MNAT1: variants seen among roughly 807,000 people sequenced by gnomAD.
MNAT1 encodes the protein MNAT1 component of CDK activating kinase.
MNAT1 carries 43 observed loss-of-function variants against 42.0 expected under a neutral mutation model. The ratio of observed to expected loss-of-function variants is 1.02; its 90% confidence interval spans 0.80 to 1.32. The LOEUF is 1.32. Among genes scored for constraint, MNAT1 ranks in the 40% most tolerant of loss-of-function variants. The pLI is 0.00. For missense variants in MNAT1, 306 were observed against 350.4 expected (o/e 0.87, Z 1.01); for synonymous variants, 118 against 120.0 (o/e 0.98, Z 0.11).
At chr14:60,913,058 C>T (rs551946078) in intron 7 of MNAT1, among the ~76,000 whole-genome samples, 14 of 152,294 alleles carry the variant, frequency 9.2e-5, no homozygotes, top group African/African-American at 2.6e-4. Context: ...CTTCTCTTCA[C>T]GCTTCATTTC....
intron 7 of MNAT1, among the ~76,000 whole-genome samples, chr14:60,896,634 C>T (rs1411228624): frequency 6.6e-6 from 1 of 152,052 alleles, no homozygotes; most frequent in East Asian, 1.9e-4. Context: ...AACAGGCGCA[C>T]ACCACCATGC....
chr14:60,891,752 C>T (rs1303926713), intron 7 of MNAT1, among the ~76,000 whole-genome samples: 2 of 152,104 alleles, frequency 1.3e-5, no homozygotes, highest in African/African-American at 2.4e-5. Flanking sequence ...TGTGCTTGGT[C>T]AGATTTTTCT....
At chr14:60,952,634 C>G (rs1455255227) in intron 7 of MNAT1, among the ~76,000 whole-genome samples, 1 of 152,064 alleles carries the variant, frequency 6.6e-6, no homozygotes, top group Admixed American at 6.5e-5. Flanking sequence ...CAGACACAGA[C>G]AGAGCGTTAG....
At chr14:60,769,618 A>G (rs756684032) in intron 1 of MNAT1, among the ~76,000 whole-genome samples, 9 of 152,028 alleles carry the variant, frequency 5.9e-5, no homozygotes, top group Non-Finnish European at 1.0e-4. Flanking sequence ...AACACACAAC[A>G]TGAAATTTAC....
chr14:60,758,328 C>T (rs542298270), intron 1 of MNAT1, among the ~76,000 whole-genome samples: 2 of 151,970 alleles, frequency 1.3e-5, no homozygotes, highest in African/African-American at 4.8e-5. Flanking sequence ...ATGTCAGCCT[C>T]CTCAGTAGCA....
chr14:60,968,110 A>C (rs1385420309), intron 7 of MNAT1, 119 bp from the exon 8 acceptor site: 2 of 719,374 alleles, frequency 2.8e-6, no homozygotes, highest in East Asian at 5.4e-5. Flanking sequence ...TAAAAGTCTG[A>C]ATATTTCAAT....
At chr14:60,903,323 C>G (rs532510906) in intron 7 of MNAT1, among the ~76,000 whole-genome samples, 18 of 151,902 alleles carry the variant, frequency 1.2e-4, no homozygotes, top group African/African-American at 3.6e-4. Context: ...TTCCTATATT[C>G]CTAGATAGCT....
chr14:60,780,439 G>C (rs2031415708), intron 1 of MNAT1: 6 of 1,544,884 alleles, frequency 3.9e-6, no homozygotes, highest in African/African-American at 1.4e-5. Context: ...TTGATCTGCT[G>C]ATTTACACAG....
At chr14:60,853,143 C>T (rs1158068744) in intron 6 of MNAT1, among the ~76,000 whole-genome samples, 1 of 152,108 alleles carries the variant, frequency 6.6e-6, no homozygotes, top group African/African-American at 2.4e-5. Flanking sequence ...GGCAATATGG[C>T]CTTTTTCATG....
intron 7 of MNAT1, among the ~76,000 whole-genome samples, chr14:60,926,870 C>G (rs1347890141): frequency 6.6e-6 from 1 of 152,102 alleles, no homozygotes; most frequent in Non-Finnish European, 1.5e-5. Flanking sequence ...CCCTTGTGAA[C>G]CAACCCCATC....
At chr14:60,958,470 G>T (rs1400515090) in intron 7 of MNAT1, among the ~76,000 whole-genome samples, 7 of 151,800 alleles carry the variant, frequency 4.6e-5, no homozygotes, top group Non-Finnish European at 1.0e-4. Flanking sequence ...TTGAAAATTT[G>T]ATTATAATGT....
At chr14:60,909,728 C>G (rs1682510510) in intron 7 of MNAT1, among the ~76,000 whole-genome samples, 1 of 152,138 alleles carries the variant, frequency 6.6e-6, no homozygotes, top group African/African-American at 2.4e-5. Flanking sequence ...TTACTGTAGC[C>G]TTGTAATATA....
chr14:60,932,557 CTTTA>C (rs1197756289), intron 7 of MNAT1, among the ~76,000 whole-genome samples: 3 of 151,266 alleles, frequency 2.0e-5, no homozygotes, highest in African/African-American at 7.3e-5. Context: ...TTTTTCTTTT[CTTTA>C]TTCTTTAAAT....
chr14:60,912,937 A>G (rs184501643), intron 7 of MNAT1, among the ~76,000 whole-genome samples: 4 of 152,238 alleles, frequency 2.6e-5, no homozygotes, highest in Admixed American at 2.0e-4. Context: ...GCTTGGTTCC[A>G]TTCTCCCCGT....
chr14:60,935,819 G>T (rs1047964906), intron 7 of MNAT1, among the ~76,000 whole-genome samples: 16 of 152,124 alleles, frequency 1.1e-4, no homozygotes, highest in African/African-American at 3.9e-4. Context: ...ATTCCCTGTA[G>T]ATAAGGAAAT....
intron 1 of MNAT1, chr14:60,780,038 G>A (rs750261408): frequency 1.3e-6 from 2 of 1,530,568 alleles, no homozygotes; most frequent in South Asian, 1.1e-5. Context: ...CGAAATCGTG[G>A]ACGAGTTCTT....
intron 1 of MNAT1, 142 bp from the exon 2 acceptor site, chr14:60,796,075 C>A: frequency 1.5e-6 from 1 of 650,940 alleles, no homozygotes; most frequent in Non-Finnish European, 2.3e-6. Context: ...GAACATTTTC[C>A]AGAAAGTTTT....
rs2034513954 is a variant in MNAT1 at position 60,879,841 on chromosome 14, T to A, written c.809+6T>A. 6.2e-7 allele frequency: 1 copy of A among 1,610,498 alleles called. No individual in the cohort carries two copies. Among genetic ancestry groups the A allele is most frequent in the African/African-American group, 1.3e-5 (1 of 74,786 alleles). On this transcript the variant is annotated splice_donor_region_variant and intron_variant, in intron 7 of 7. Transcript: ENST00000261245. ...GAGATGCTAGGAAGACTTGGGTATG[T>A]GTCCTAAAGAACTTTACATTGAGGA...
chr14:60,757,805 G>A (rs1326713859), intron 1 of MNAT1, among the ~76,000 whole-genome samples: 2 of 152,172 alleles, frequency 1.3e-5, no homozygotes, highest in African/African-American at 4.8e-5. Context: ...TCTTGGCAGT[G>A]TATTGATTCT....
Sources: gnomAD v4.1 joint callset for allele counts (sites outside exome capture counted in the v4.1 genomes callset) on GRCh38, gnomAD v4.1.1 for gene constraint, MANE v1.5 for transcripts, NCBI Gene and HGNC (gene_info 2026-07-23, HGNC 2026-07-21) for gene names.